The following KSR1 variants were observed in gnomAD, a reference collection of about 807,000 sequenced individuals.
KSR1 encodes the protein kinase suppressor of ras.
KSR1 carries 35 observed loss-of-function variants against 92.9 expected under a neutral mutation model. That is an observed-to-expected ratio of 0.38 (90% CI 0.29 to 0.50). The LOEUF is 0.50. KSR1 is among the 20% of genes least tolerant of loss of function. The pLI, the probability that KSR1 is intolerant of heterozygous loss-of-function variation, is 0.94. For missense variants in KSR1, 972 were observed against 1,158.5 expected (o/e 0.84, Z 2.34); for synonymous variants, 467 against 472.6 (o/e 0.99, Z 0.15).
At chr17:27,551,178 A>G (rs533833267) in intron 2 of KSR1, among the ~76,000 whole-genome samples, 1 of 152,358 alleles carries the variant, frequency 6.6e-6, no homozygotes, top group South Asian at 2.1e-4. Context: ...GAATTTGGAA[A>G]TAAGAGTCAG....
At chr17:27,594,537 T>C (rs925045135) in intron 9 of KSR1, among the ~76,000 whole-genome samples, 1 of 152,108 alleles carries the variant, frequency 6.6e-6, no homozygotes, top group African/African-American at 2.4e-5. Context: ...GAGCCCCTCC[T>C]GCGTGCACCT....
intron 11 of KSR1, among the ~76,000 whole-genome samples, chr17:27,603,271 A>G (rs888125697): frequency 6.6e-6 from 1 of 152,224 alleles, no homozygotes; most frequent in African/African-American, 2.4e-5. Flanking sequence ...CTGCTCCACC[A>G]GTGACCCATA....
At chr17:27,516,503 G>A (rs933616347) in intron 1 of KSR1, among the ~76,000 whole-genome samples, 2 of 152,152 alleles carry the variant, frequency 1.3e-5, no homozygotes, top group South Asian at 2.1e-4. Flanking sequence ...ATAGTGCAGA[G>A]TAGAGTCTCC....
intron 1 of KSR1, among the ~76,000 whole-genome samples, chr17:27,543,338 C>T (rs1206474313): frequency 6.6e-6 from 1 of 152,088 alleles, no homozygotes; most frequent in Non-Finnish European, 1.5e-5. Flanking sequence ...GGAGGATGGG[C>T]CCAGGACCCA....
At chr17:27,539,237 G>A (rs780004389) in intron 1 of KSR1, among the ~76,000 whole-genome samples, 21 of 152,162 alleles carry the variant, frequency 1.4e-4, no homozygotes, top group Admixed American at 2.0e-4. Context: ...AAACTAGTTC[G>A]TGGCTGTGCC....
chr17:27,506,168 G>A (rs146160661), intron 1 of KSR1, among the ~76,000 whole-genome samples: 3 of 152,292 alleles, frequency 2.0e-5, no homozygotes, highest in East Asian at 1.9e-4. Flanking sequence ...AAAACACCAC[G>A]GGAAGGCAAT....
chr17:27,510,796 AT>A (rs2069572414), intron 1 of KSR1, among the ~76,000 whole-genome samples: 1 of 152,192 alleles, frequency 6.6e-6, no homozygotes, highest in Admixed American at 6.5e-5. Flanking sequence ...ACAGATAACC[AT>A]TTCCTGGCTC....
intron 1 of KSR1, among the ~76,000 whole-genome samples, chr17:27,482,410 C>T (rs1409013176): frequency 1.3e-5 from 2 of 152,168 alleles, no homozygotes; most frequent in East Asian, 3.8e-4. Context: ...AACTGTGCTG[C>T]AGGTGGGAAC....
intron 18 of KSR1, among the ~76,000 whole-genome samples, chr17:27,611,974 C>A (rs746114433): frequency 2.6e-5 from 4 of 151,846 alleles, no homozygotes; most frequent in African/African-American, 7.3e-5. Flanking sequence ...TTAAAAAAAT[C>A]ACTGCTGAAA....
At chr17:27,530,828 G>T (rs1326156057) in intron 1 of KSR1, among the ~76,000 whole-genome samples, 1 of 152,182 alleles carries the variant, frequency 6.6e-6, no homozygotes, top group Non-Finnish European at 1.5e-5. Context: ...TGTGTGCGAG[G>T]TTTTGCTTAC....
intron 1 of KSR1, among the ~76,000 whole-genome samples, chr17:27,521,898 C>T (rs1410183330): frequency 1.2e-4 from 18 of 152,220 alleles, no homozygotes; most frequent in African/African-American, 4.1e-4. Flanking sequence ...GCTTATCACC[C>T]ATGCTGCTAG....
At chr17:27,592,865 T>C (rs754049954) in intron 9 of KSR1, among the ~76,000 whole-genome samples, 3 of 152,234 alleles carry the variant, frequency 2.0e-5, no homozygotes, top group Admixed American at 6.5e-5. Context: ...TCCTGTGTGC[T>C]TAGTGTGTAC....
intron 1 of KSR1, among the ~76,000 whole-genome samples, chr17:27,470,390 C>T (rs902403492): frequency 8.6e-5 from 13 of 151,798 alleles, no homozygotes; most frequent in East Asian, 5.8e-4. Context: ...TACACGTGCC[C>T]GCCACCACGC....
At position 27,456,623 on chromosome 17, in the gene KSR1, C is replaced by T. The variant is rs1351407870; in HGVS notation, c.-21C>T. On this transcript the variant is annotated 5_prime_UTR_variant, in exon 1 of 21. Transcript: ENST00000644974. ...CGCCCCGGGCTCCCAGCCTCGGCCGCCGCGGCCCCGATGCCGAGGCATGGA... is the reference window on the plus strand; with the variant it reads ...CGCCCCGGGCTCCCAGCCTCGGCCGTCGCGGCCCCGATGCCGAGGCATGGA... 3 of 498,782 alleles carry T rather than the reference C, an allele frequency of 6.0e-6. No individual in the cohort carries two copies. The highest frequency in any genetic ancestry group is 1.0e-5 in the Non-Finnish European group (3 of 289,162). The allele number at this position is 498,782 out of a possible 1,614,324, so 30.9% of individuals were successfully genotyped here. A position where few individuals can be genotyped will look rare whatever the true frequency, so the allele number is the denominator to read the frequency against.
chr17:27,586,255 G>A (rs552342558), intron 5 of KSR1, among the ~76,000 whole-genome samples: 5 of 152,344 alleles, frequency 3.3e-5, no homozygotes, highest in South Asian at 4.1e-4. Context: ...GTTCCTGCAC[G>A]TGGCTATGCT....
chr17:27,554,613 T>C (rs2071523891), intron 2 of KSR1, among the ~76,000 whole-genome samples: 1 of 152,248 alleles, frequency 6.6e-6, no homozygotes, highest in Non-Finnish European at 1.5e-5. Flanking sequence ...ACTGTCTAGT[T>C]GCAGGAAAAC....
chr17:27,592,317 C>A (rs1469677599), intron 7 of KSR1, 44 bp from the exon 8 acceptor site: 1 of 1,550,634 alleles, frequency 6.4e-7, no homozygotes, highest in Non-Finnish European at 8.9e-7. Flanking sequence ...TGCCTGAGCC[C>A]CCCCATGTGG....
intron 18 of KSR1, among the ~76,000 whole-genome samples, chr17:27,612,322 G>A (rs181343378): frequency 2.8e-4 from 43 of 152,340 alleles, no homozygotes; most frequent in African/African-American, 1.0e-3. Flanking sequence ...GACATATTTA[G>A]TAGTTTTCCC....
intron 1 of KSR1, among the ~76,000 whole-genome samples, chr17:27,457,163 C>G (rs1483641208): frequency 1.3e-5 from 2 of 152,158 alleles, no homozygotes. Context: ...CCGCCCCCAC[C>G]CCATTTCCAG....
Sources: gnomAD v4.1 joint callset for allele counts (sites outside exome capture counted in the v4.1 genomes callset) on GRCh38, gnomAD v4.1.1 for gene constraint, MANE v1.5 for transcripts, NCBI Gene and HGNC (gene_info 2026-07-23, HGNC 2026-07-21) for gene names.